The following TULP3 variants were observed in gnomAD, a reference collection of about 807,000 sequenced individuals.
The protein encoded by TULP3 is tubby-related protein 3.
Under a neutral mutation model 50.7 loss-of-function variants are expected in TULP3, and 38 were observed. The observed-to-expected ratio is 0.75, with a 90% CI of 0.58 to 0.98. The LOEUF is 0.98. TULP3 is among the 50% of genes least tolerant of loss of function. The pLI is 0.00. For synonymous variants in TULP3, 183 were observed against 196.6 expected (o/e 0.93, Z 0.58); for missense variants, 550 against 568.0 (o/e 0.97, Z 0.32).
At chr12:2,899,357 AAAAAAAACAGCGAAATTCATTCT>A (rs2098177504) in intron 1 of TULP3, among the ~76,000 whole-genome samples, 1 of 151,822 alleles carries the variant, frequency 6.6e-6, no homozygotes, top group South Asian at 2.1e-4. Context: ...AAAAAAAAAA[AAAAAAAACAGCGAAATTCATTCT>A]TAGCTCAAAG....
intron 2 of TULP3, among the ~76,000 whole-genome samples, chr12:2,912,969 C>CA (rs2098186457): frequency 9.4e-6 from 1 of 106,018 alleles, no homozygotes; most frequent in Non-Finnish European, 1.9e-5. Context: ...TTAACACGTT[C>CA]TTTTTTTTTT....
chr12:2,934,247 T>C (rs1356184384), intron 7 of TULP3, among the ~76,000 whole-genome samples, 200 bp from the exon 8 acceptor site: 2 of 152,180 alleles, frequency 1.3e-5, no homozygotes, highest in African/African-American at 4.8e-5. Context: ...AGACCCTGTC[T>C]CGAATTAGTA....
intron 2 of TULP3, among the ~76,000 whole-genome samples, chr12:2,914,125 C>CTTTT (rs71057862): frequency 0.045 from 5,848 of 130,596 alleles, 539 homozygotes; most frequent in African/African-American, 0.15. Flanking sequence ...ATAAATAATT[C>CTTTT]TTTTTTTTTT....
In TULP3 at chr12:2,940,179, T is replaced by A; in HGVS notation, c.*735T>A. 1 of 1,309,656 alleles carries A rather than the reference T, an allele frequency of 7.6e-7. No individual in the cohort carries two copies. The highest frequency in any genetic ancestry group is 1.0e-6 in the Non-Finnish European group (1 of 1,002,910). 81.1% of individuals were successfully genotyped at this position (1,309,656 alleles called of 1,614,324 possible). A position where few individuals can be genotyped will look rare whatever the true frequency, so the allele number is the denominator to read the frequency against. Reference sequence around the variant, plus strand: ...GACTGACAGTAATGTGATAATTGCCTTCATTTTCAACCCAGGAGTGCCTCT... The same window carrying A: ...GACTGACAGTAATGTGATAATTGCCATCATTTTCAACCCAGGAGTGCCTCT... On this transcript the variant is annotated 3_prime_UTR_variant, in exon 11 of 11. Transcript: ENST00000448120.
At position 2,939,424 on chromosome 12, in the gene TULP3, A is replaced by G; in HGVS notation, c.1309A>G (p.Ser437Gly). ...TGGCATCGGTCTTTCTAGCTTTGACAGTAAGCTGGCGTGTGAATGAGAGAA... is the reference window on the plus strand; with the variant it reads ...TGGCATCGGTCTTTCTAGCTTTGACGGTAAGCTGGCGTGTGAATGAGAGAA... ...AFGIGLSSFD[S>G]KLACE Residue 437 changes from serine (S) to glycine (G), a missense_variant, in exon 11 of 11, where the codon AGT becomes GGT. Coordinates refer to ENST00000448120, the MANE Select transcript of TULP3 (RefSeq NM_003324.5). The surrounding 1 kb of genome is among the most constrained non-coding windows in gnomAD (Gnocchi z 4.0). 1 of 1,614,174 alleles carries G rather than the reference A, an allele frequency of 6.2e-7. No individual in the cohort carries two copies. The highest frequency in any genetic ancestry group is 8.5e-7 in the Non-Finnish European group (1 of 1,180,036).
chr12:2,923,066 A>G lies in TULP3; in HGVS notation c.394+664A>G, dbSNP rs533211098. ...GAGACGGGGTTTCACGGTGTTAGCCAGGATGGTATCAATCTCCTGACCTGG... is the reference window on the plus strand; with the variant it reads ...GAGACGGGGTTTCACGGTGTTAGCCGGGATGGTATCAATCTCCTGACCTGG... On this transcript the variant is annotated intron_variant, in intron 4 of 10. Transcript: ENST00000448120. 4.8e-3 allele frequency among the ~76,000 whole-genome samples: 730 copies of G among 152,056 alleles called. 3 individuals carry two copies. Among genetic ancestry groups the G allele is most frequent in the Non-Finnish European group, 8.8e-3 (598 of 67,978 alleles).
intron 2 of TULP3, among the ~76,000 whole-genome samples, chr12:2,917,080 C>T (rs1291043194): frequency 6.6e-6 from 1 of 152,136 alleles, no homozygotes; most frequent in Non-Finnish European, 1.5e-5. Context: ...TAGTTAAACC[C>T]ACACCAGTAA....
At chr12:2,930,784 G>A in intron 5 of TULP3, 1 of 569,110 alleles carries the variant, frequency 1.8e-6, no homozygotes, top group Non-Finnish European at 3.1e-6. Context: ...AGAAGTGTAA[G>A]CTCAAATTTA....
At chr12:2,891,356 G>A (rs2334871) in intron 1 of TULP3, among the ~76,000 whole-genome samples, 66,630 of 151,976 alleles carry the variant, frequency 0.44, 15,376 homozygotes, top group African/African-American at 0.58. Flanking sequence ...ACAGCCGAGA[G>A]GGGACCCAGC....
chr12:2,933,399 A>C lies in TULP3; in HGVS notation c.697-19A>C. ...GTTCTCTGGACTTCATTTTTGACTG[A>C]CACTTTTTCTTTTCCCAGATATTTC... is the stretch of plus-strand genomic sequence containing the variant. On this transcript the variant is annotated intron_variant, in intron 6 of 10. Coordinates refer to ENST00000448120, the MANE Select transcript of TULP3 (RefSeq NM_003324.5). 3.2e-6 allele frequency: 5 copies of C among 1,560,636 alleles called. No homozygotes were observed. The highest frequency in any genetic ancestry group is 4.4e-6 in the Non-Finnish European group (5 of 1,131,698).
intron 1 of TULP3, among the ~76,000 whole-genome samples, chr12:2,899,149 C>T (rs886163987): frequency 1.3e-5 from 2 of 151,468 alleles, no homozygotes; most frequent in African/African-American, 4.9e-5. Flanking sequence ...AGTTAGAGAC[C>T]AGCCTGACCA....
At chr12:2,893,044 T>G (rs1163137774) in intron 1 of TULP3, among the ~76,000 whole-genome samples, 1 of 151,796 alleles carries the variant, frequency 6.6e-6, no homozygotes, top group Non-Finnish European at 1.5e-5. Flanking sequence ...TCTTGTATTT[T>G]TTGTAGAGGT....
Position 2,933,443 on chromosome 12 carries a change from G to T in TULP3, c.722G>T (p.Arg241Leu), listed in dbSNP as rs770976166. The T allele has an allele frequency of 1.2e-5, 20 of 1,613,428 alleles. No individual in the cohort carries two copies. Among genetic ancestry groups the T allele is most frequent in the Non-Finnish European group, 1.6e-5 (19 of 1,179,720 alleles). ...QKIFLLAARK[R>L]KKSKTANYLI... ...ATATTTCTTCTTGCAGCTAGAAAGCGGAAAAAGAGCAAAACAGCCAACTAC... is the reference window on the plus strand; with the variant it reads ...ATATTTCTTCTTGCAGCTAGAAAGCTGAAAAAGAGCAAAACAGCCAACTAC... Residue 241 changes from arginine to leucine, a missense_variant, in exon 7 of 11, where the codon CGG (arginine) becomes CTG (leucine). Coordinates refer to ENST00000448120, the MANE Select transcript of TULP3 (RefSeq NM_003324.5).
intron 4 of TULP3, among the ~76,000 whole-genome samples, chr12:2,928,955 A>AAG (rs2153950081): frequency 6.6e-6 from 1 of 151,814 alleles, no homozygotes; most frequent in Admixed American, 6.6e-5. Flanking sequence ...AAAAAATCAT[A>AAG]ATAATTTACC....
intron 1 of TULP3, among the ~76,000 whole-genome samples, chr12:2,898,036 C>G (rs372068459): frequency 7.1e-6 from 1 of 140,474 alleles, no homozygotes; most frequent in Non-Finnish European, 1.5e-5. Flanking sequence ...CAAGATCGCG[C>G]CATTGCACTC....
intron 2 of TULP3, among the ~76,000 whole-genome samples, chr12:2,919,686 A>G (rs1417392826): frequency 6.6e-6 from 1 of 152,030 alleles, no homozygotes; most frequent in Non-Finnish European, 1.5e-5. Flanking sequence ...AATAATTTCT[A>G]TATATTATAA....
At chr12:2,922,809 A>G (rs2098192523) in intron 4 of TULP3, among the ~76,000 whole-genome samples, 2 of 151,400 alleles carry the variant, frequency 1.3e-5, no homozygotes, top group Admixed American at 1.3e-4. Context: ...ATATTCCCAT[A>G]CATTTCAAAG....
chr12:2,933,657 GA>G (rs546751911), intron 7 of TULP3, 127 bp downstream of exon 7: 38,837 of 373,802 alleles, frequency 0.1, no homozygotes, highest in East Asian at 0.14. Context: ...AAAGAAAAAG[GA>G]AAAAAAAAAA....
Position 2,905,187 on chromosome 12 carries a change from C to CT in TULP3, c.42-4330dup, listed in dbSNP as rs140761867. ...CAGATTGAATATGTCTATAAAATAT[C>CT]TTTTTTTTTTTTCCTTTGAGACAGA... On this transcript the variant is annotated intron_variant, in intron 1 of 10. Coordinates refer to ENST00000448120, the MANE Select transcript of TULP3 (RefSeq NM_003324.5). 1.2e-3 allele frequency among the ~76,000 whole-genome samples: 170 copies of CT among 143,356 alleles called. 1 individual carries two copies. Among genetic ancestry groups the CT allele is most frequent in the African/African-American group, 2.1e-3 (80 of 38,688 alleles). 94.0% of individuals were successfully genotyped at this position (143,356 alleles called of 152,430 possible).
Sources: allele counts gnomAD v4.1 joint callset (sites outside exome capture counted in the v4.1 genomes callset), GRCh38; gene constraint gnomAD v4.1.1; non-coding constraint Gnocchi (gnomAD v3.1); transcripts MANE v1.5; gene names NCBI Gene and HGNC (gene_info 2026-07-23, HGNC 2026-07-21).